The following BIN2 variants were observed in gnomAD, a reference collection of about 807,000 sequenced individuals.
BIN2 encodes bridging integrator 2.
In BIN2, 43 loss-of-function variants were observed where a neutral mutation model predicts 67.9. The ratio of observed to expected loss-of-function variants is 0.63; its 90% CI spans 0.50 to 0.82. BIN2 has a LOEUF of 0.82. Ranked by LOEUF, BIN2 falls within the 40% of genes least tolerant of loss-of-function variation. The pLI is 0.00. For missense variants in BIN2, 581 were observed against 671.6 expected (o/e 0.87, Z 1.49); for synonymous variants, 244 against 246.8 (o/e 0.99, Z 0.11).
chr12:51,287,388 G>C (rs142865532), intron 11 of BIN2, among the ~76,000 whole-genome samples: 28 of 151,346 alleles, frequency 1.9e-4, no homozygotes, highest in Admixed American at 5.3e-4. Flanking sequence ...GCTGGAATGC[G>C]ATGGCGAGAT....
At chr12:51,294,696 G>A (rs183168822) in intron 9 of BIN2, among the ~76,000 whole-genome samples, 13 of 151,942 alleles carry the variant, frequency 8.6e-5, no homozygotes, top group East Asian at 5.8e-4. Context: ...ATTTCCATGC[G>A]TATTATTTTA....
intron 12 of BIN2, 114 bp from the exon 13 acceptor site, chr12:51,281,642 C>A: frequency 9.0e-7 from 1 of 1,112,196 alleles, no homozygotes; most frequent in Non-Finnish European, 1.4e-6. Flanking sequence ...ATGCCACTGG[C>A]CTCTCTTGAG....
chr12:51,288,301 T>G, intron 10 of BIN2, 113 bp from the exon 11 acceptor site: 1 of 801,024 alleles, frequency 1.2e-6, no homozygotes, highest in Non-Finnish European at 2.1e-6. Flanking sequence ...GCTCCCGAGG[T>G]AGCCTTGGTC....
chr12:51,289,723 AT>A (rs908034650), intron 10 of BIN2, among the ~76,000 whole-genome samples: 2 of 151,368 alleles, frequency 1.3e-5, no homozygotes, highest in African/African-American at 4.9e-5. Flanking sequence ...AGACTTAAAA[AT>A]TTTTTTTTGA....
At chr12:51,313,228 A>AAGGCAGGC (rs768529869) in intron 2 of BIN2, among the ~76,000 whole-genome samples, 27,662 of 139,546 alleles carry the variant, frequency 0.2, 3,398 homozygotes, top group Middle Eastern at 0.31. Flanking sequence ...GGAAGGCAGG[A>AAGGCAGGC]AGGCAGGCAG....
At chr12:51,315,178 T>TA (rs1565689058) in intron 1 of BIN2, among the ~76,000 whole-genome samples, 38 of 151,910 alleles carry the variant, frequency 2.5e-4, no homozygotes, top group African/African-American at 8.7e-4. Context: ...ATTATTATTT[T>TA]TTTTTTTTTG....
At chr12:51,290,887 C>G (rs927874063) in intron 10 of BIN2, among the ~76,000 whole-genome samples, 8 of 152,088 alleles carry the variant, frequency 5.3e-5, no homozygotes, top group Non-Finnish European at 1.0e-4. Context: ...GAGCAGAGAT[C>G]GTGCCACTGC....
rs115364809 is a variant in BIN2 at position 51,309,049 on chromosome 12, T to C, written c.162+4774A>G. ...AGACTTTGAAATCAGGCTAGGAAGT[T>C]TGGTATTGATAGGATAAGCTATTAA... On this transcript the variant is annotated intron_variant, in intron 2 of 12. Coordinates refer to ENST00000615107, the MANE Select transcript of BIN2 (RefSeq NM_016293.4). 9.8e-3 allele frequency among the ~76,000 whole-genome samples: 1,489 copies of C among 152,174 alleles called. 32 individuals carry two copies. The highest frequency in any genetic ancestry group is 0.034 in the African/African-American group (1,407 of 41,508).
At chr12:51,324,505 G>A (rs749940122), upstream of BIN2, 18 of 1,531,276 alleles carry the variant, frequency 1.2e-5, no homozygotes, top group South Asian at 1.8e-4. Context: ...CTCAGCGAGA[G>A]GACCTACCAT....
intron 2 of BIN2, among the ~76,000 whole-genome samples, chr12:51,305,003 G>A (rs1457056859): frequency 6.6e-6 from 1 of 151,220 alleles, no homozygotes; most frequent in Non-Finnish European, 1.5e-5. Context: ...GGGCGACAGA[G>A]CCAGACTCCG....
intron 1 of BIN2, among the ~76,000 whole-genome samples, chr12:51,318,577 C>T (rs1038413269): frequency 1.3e-5 from 2 of 152,080 alleles, no homozygotes; most frequent in East Asian, 1.9e-4. Context: ...ATTCTTAATC[C>T]GGGGGTGTGT....
rs548286792 is a variant in BIN2, at chr12:51,299,831, C to T, written c.409-117G>A. 45 of 962,102 alleles carry T rather than the reference C, an allele frequency of 4.7e-5. No homozygotes were observed. In the African/African-American group the frequency reaches 5.8e-4, roughly 12 times the overall value. 59.6% of individuals were successfully genotyped at this position (962,102 alleles called of 1,614,324 possible). On this transcript the variant is annotated intron_variant, in intron 5 of 12. Coordinates refer to ENST00000615107, the MANE Select transcript of BIN2 (RefSeq NM_016293.4). ...GCATCCTACTATCAAATTTCACTTT[C>T]GTTGTTTTTTGCTTTTGTTTTTTTT...
intron 1 of BIN2, among the ~76,000 whole-genome samples, chr12:51,314,278 C>G (rs1011386813): frequency 1.3e-5 from 2 of 151,864 alleles, no homozygotes; most frequent in East Asian, 3.9e-4. Context: ...GAACTCCTGA[C>G]CACAAATGAT....
intron 10 of BIN2, among the ~76,000 whole-genome samples, chr12:51,290,851 T>G (rs1160104746): frequency 3.9e-5 from 6 of 152,164 alleles, no homozygotes; most frequent in African/African-American, 1.4e-4. Flanking sequence ...GAAAATGGTG[T>G]GAACCCGGGA....
chr12:51,315,833 T>G (rs1946112048), intron 1 of BIN2, among the ~76,000 whole-genome samples: 1 of 152,200 alleles, frequency 6.6e-6, no homozygotes. Flanking sequence ...GCAAAAGACA[T>G]GTGGATGAAT....
At chr12:51,305,202 G>A (rs1358973605) in intron 2 of BIN2, among the ~76,000 whole-genome samples, 2 of 151,994 alleles carry the variant, frequency 1.3e-5, no homozygotes, top group South Asian at 4.2e-4. Context: ...AGGGTGTGGC[G>A]GCAGGCACCT....
At chr12:51,321,439 G>A (rs1259060261) in intron 1 of BIN2, among the ~76,000 whole-genome samples, 1 of 150,976 alleles carries the variant, frequency 6.6e-6, no homozygotes, top group African/African-American at 2.4e-5. Context: ...TGCTCTTGTT[G>A]CACAAGTTGG....
rs1034571449 is a variant in BIN2, at chr12:51,299,308, A to G, written c.517-20T>C. On this transcript the variant is annotated intron_variant, in intron 6 of 12. Transcript: ENST00000615107. Reference sequence around the variant, plus strand: ...CTCTGCCTAGGTGGTAAAAGAGACAAGACAATCTCCCTCAATTCTGAACCC... The same window carrying G: ...CTCTGCCTAGGTGGTAAAAGAGACAGGACAATCTCCCTCAATTCTGAACCC... The G allele has an allele frequency of 1.9e-6, 3 of 1,602,084 alleles. No homozygotes were observed. The highest frequency in any genetic ancestry group is 2.7e-5 in the African/African-American group (2 of 74,590).
In BIN2 at chr12:51,324,126, C is replaced by T. The variant is rs1404441233; in HGVS notation, c.-24G>A. 1.2e-6 allele frequency: 2 copies of T among 1,610,722 alleles called. No homozygotes were observed. The highest frequency in any genetic ancestry group is 1.7e-5 in the Admixed American group (1 of 59,648). Reference sequence around the variant, plus strand: ...ATCCTGCCAACTCCCTGGGGGCCGCCGCCCTGGCCCCGCGCCCTGTGGTTT... The same window carrying T: ...ATCCTGCCAACTCCCTGGGGGCCGCTGCCCTGGCCCCGCGCCCTGTGGTTT... On this transcript the variant is annotated 5_prime_UTR_variant, in exon 1 of 13. Coordinates refer to ENST00000615107, the MANE Select transcript of BIN2 (RefSeq NM_016293.4).
Sources: allele counts gnomAD v4.1 joint callset (sites outside exome capture counted in the v4.1 genomes callset), GRCh38; gene constraint gnomAD v4.1.1; transcripts MANE v1.5; gene names NCBI Gene and HGNC (gene_info 2026-07-23, HGNC 2026-07-21).